PIBF1: variants seen among roughly 807,000 people sequenced by gnomAD.
PIBF1 encodes the protein progesterone-induced-blocking factor 1.
In PIBF1, 90 loss-of-function variants were observed where a neutral mutation model predicts 112.5. That is an observed-to-expected ratio of 0.80 (90% CI 0.67 to 0.95). The LOEUF is 0.95. Ranked by LOEUF, PIBF1 falls within the 40% of genes least tolerant of loss-of-function variation. The pLI is 0.00. For missense variants in PIBF1, 915 were observed against 852.3 expected, an observed-to-expected ratio of 1.07 and a Z score of -0.92; for synonymous variants, 301 against 288.6, an observed-to-expected ratio of 1.04 and a Z score of -0.44.
At chr13:72,832,779 CGTGTTCTCT>C (rs2037183802) in intron 8 of PIBF1, among the ~76,000 whole-genome samples, 1 of 152,054 alleles carries the variant, frequency 6.6e-6, no homozygotes. Flanking sequence ...GTATCTTTGT[CGTGTTCTCT>C]GTATTTCCTA....
At chr13:73,012,758 CAATAAT>C (rs60685629) in intron 17 of PIBF1, among the ~76,000 whole-genome samples, 48 of 147,492 alleles carry the variant, frequency 3.3e-4, no homozygotes, top group Non-Finnish European at 5.4e-4. Context: ...CTGTCTCCAC[CAATAAT>C]AATAATAATA....
At chr13:72,819,027 C>A (rs2036423798) in intron 5 of PIBF1, among the ~76,000 whole-genome samples, 1 of 152,058 alleles carries the variant, frequency 6.6e-6, no homozygotes, top group African/African-American at 2.4e-5. Flanking sequence ...GATGAGAACT[C>A]CCACAGTGTC....
chr13:72,844,082 C>T (rs1049225516), intron 9 of PIBF1, among the ~76,000 whole-genome samples: 1 of 152,178 alleles, frequency 6.6e-6, no homozygotes, highest in African/African-American at 2.4e-5. Flanking sequence ...GTACTCAACA[C>T]TTTACATACG....
chr13:73,010,236 T>TG (rs1312921893), intron 17 of PIBF1, among the ~76,000 whole-genome samples: 1 of 151,214 alleles, frequency 6.6e-6, no homozygotes, highest in Non-Finnish European at 1.5e-5. Context: ...CTAGTTTTTT[T>TG]TTTTTTTTTT....
intron 13 of PIBF1, among the ~76,000 whole-genome samples, chr13:72,918,486 C>G (rs1036156188): frequency 6.7e-6 from 1 of 148,654 alleles, no homozygotes; most frequent in African/African-American, 2.5e-5. Context: ...CTTCCAGGTT[C>G]AAGCAGTTCT....
chr13:72,932,158 A>G lies in PIBF1; in HGVS notation c.1833+891A>G, dbSNP rs9564932. 2.3e-3 allele frequency among the ~76,000 whole-genome samples: 356 copies of G among 151,962 alleles called. 13 individuals are homozygous for G. In the East Asian group the frequency reaches 0.055, roughly 23 times the overall value. On this transcript the variant is annotated intron_variant, in intron 14 of 17. Transcript: ENST00000326291. Reference sequence around the variant, plus strand: ...AGGGTTTCACCATGTTGCCCAGGCTAGTCTAGAACTTCTGGGCTCAAGCGA... The same window carrying G: ...AGGGTTTCACCATGTTGCCCAGGCTGGTCTAGAACTTCTGGGCTCAAGCGA...
intron 5 of PIBF1, among the ~76,000 whole-genome samples, chr13:72,806,293 A>T (rs780175354): frequency 6.6e-6 from 1 of 151,890 alleles, no homozygotes; most frequent in African/African-American, 2.4e-5. Context: ...AGAGTCCTAC[A>T]GTATTTGCCC....
intron 4 of PIBF1, among the ~76,000 whole-genome samples, 156 bp downstream of exon 4, chr13:72,795,713 T>C (rs2035160632): frequency 6.6e-6 from 1 of 152,228 alleles, no homozygotes; most frequent in Non-Finnish European, 1.5e-5. Flanking sequence ...TAAAGGATCA[T>C]GACCATTGAT....
At chr13:72,815,861 A>T (rs953178707) in intron 5 of PIBF1, among the ~76,000 whole-genome samples, 13 of 152,164 alleles carry the variant, frequency 8.5e-5, no homozygotes, top group African/African-American at 3.1e-4. Flanking sequence ...ATTATTCAAA[A>T]GGCATGAGAA....
intron 10 of PIBF1, among the ~76,000 whole-genome samples, chr13:72,875,232 T>G (rs541821443): frequency 6.6e-6 from 1 of 152,314 alleles, no homozygotes; most frequent in East Asian, 1.9e-4. Context: ...TTTCATGACT[T>G]CATAGCTCAT....
intron 2 of PIBF1, 143 bp downstream of exon 2, chr13:72,783,864 T>C: frequency 1.1e-6 from 1 of 885,988 alleles, no homozygotes; most frequent in Non-Finnish European, 1.7e-6. Context: ...ATAATTTTGG[T>C]GTTCATAGAA....
chr13:72,916,460 T>G (rs190530201), intron 12 of PIBF1, among the ~76,000 whole-genome samples: 1 of 151,512 alleles, frequency 6.6e-6, no homozygotes, highest in Non-Finnish European at 1.5e-5. Context: ...CATTTCAAGT[T>G]TTTTACCCAG....
In PIBF1 at chr13:72,965,380, T is replaced by C; in HGVS notation, c.1940T>C (p.Ile647Thr). Residue 647 changes from isoleucine to threonine, a missense_variant, in exon 15 of 18, where the codon ATT becomes ACT. Physicochemically the swap from Ile to Thr is moderately conservative, Grantham distance 89 (BLOSUM62 -1). Transcript: ENST00000326291. Reference protein sequence around the residue: ...DSKIDSLTESIAQLEKDVSNL... With the variant: ...DSKIDSLTESTAQLEKDVSNL... ...AAGATTGATTCACTGACGGAATCTA[T>C]TGCACAACTTGAGAAAGATGTCAGG... 1.9e-6 allele frequency: 3 copies of C among 1,610,026 alleles called. No homozygotes were observed. The highest frequency in any genetic ancestry group is 2.2e-5 in the South Asian group (2 of 90,024).
chr13:72,796,457 T>C (rs1352520480), intron 4 of PIBF1, among the ~76,000 whole-genome samples: 1 of 152,142 alleles, frequency 6.6e-6, no homozygotes, highest in Non-Finnish European at 1.5e-5. Flanking sequence ...TGCGTTTCTA[T>C]TGGGGATAAT....
chr13:72,841,162 A>G (rs907003058), intron 9 of PIBF1, among the ~76,000 whole-genome samples: 15 of 152,218 alleles, frequency 9.9e-5, no homozygotes, highest in Non-Finnish European at 2.1e-4. Flanking sequence ...GCTTTGGTCC[A>G]GTTTGTGAAT....
chr13:72,871,224 A>C (rs542445348), intron 10 of PIBF1, among the ~76,000 whole-genome samples: 2 of 152,268 alleles, frequency 1.3e-5, no homozygotes, highest in East Asian at 1.9e-4. Flanking sequence ...AAAAATTTTT[A>C]ATGCATTTAG....
rs567174453 is a variant in PIBF1 at position 72,977,783 on chromosome 13, A to G, written c.2049+4108A>G. Among the ~76,000 whole-genome samples, 108 of 152,318 alleles carry G rather than the reference A, an allele frequency of 7.1e-4. 1 individual carries two copies. The highest frequency in any genetic ancestry group is 2.6e-3 in the African/African-American group (108 of 41,574). ...GGGTGTGGTGTGACAATTTCCAGGAATGTGTATTGATCTCTTACAATTGAG... is the reference window on the plus strand; with the variant it reads ...GGGTGTGGTGTGACAATTTCCAGGAGTGTGTATTGATCTCTTACAATTGAG... On this transcript the variant is annotated intron_variant, in intron 16 of 17. Coordinates refer to ENST00000326291, the MANE Select transcript of PIBF1 (RefSeq NM_006346.4).
Position 72,863,394 on chromosome 13 carries a change from G to A in PIBF1, c.1322+9239G>A, listed in dbSNP as rs184896077. On this transcript the variant is annotated intron_variant, in intron 10 of 17. Coordinates refer to ENST00000326291, the MANE Select transcript of PIBF1 (RefSeq NM_006346.4). Reference sequence around the variant, plus strand: ...GGCCAGGGCGCGGTGGCTCACGCCTGTAATCCCAGCACTTTGGGAGGCCAA... The same window carrying A: ...GGCCAGGGCGCGGTGGCTCACGCCTATAATCCCAGCACTTTGGGAGGCCAA... Among the ~76,000 whole-genome samples, 3 of 152,168 alleles carry A rather than the reference G, an allele frequency of 2.0e-5. No individual in the cohort carries two copies. The East Asian group carries it at 5.8e-4, about 29-fold the overall frequency.
At chr13:72,849,023 AT>A (rs1285171752) in intron 9 of PIBF1, among the ~76,000 whole-genome samples, 1 of 152,220 alleles carries the variant, frequency 6.6e-6, no homozygotes, top group African/African-American at 2.4e-5. Flanking sequence ...TACTCTAGTT[AT>A]AAAAGTAGGA....
Sources: gnomAD v4.1 joint callset for allele counts (sites outside exome capture counted in the v4.1 genomes callset) on GRCh38, gnomAD v4.1.1 for gene constraint, MANE v1.5 for transcripts, NCBI Gene and HGNC (gene_info 2026-07-23, HGNC 2026-07-21) for gene names.